MID1: variants seen among roughly 807,000 people sequenced by gnomAD.
MID1 encodes the protein E3 ubiquitin-protein ligase Midline-1.
Under a neutral mutation model 40.4 loss-of-function variants are expected in MID1, and 7 were observed. The observed-to-expected ratio is 0.17, with a 90% CI of 0.10 to 0.33. The LOEUF is 0.33. Among genes scored for constraint, MID1 ranks in the 10% least tolerant of loss-of-function variants. MID1 has a pLI of 1.00. For missense variants in MID1, 367 were observed against 558.5 expected (o/e 0.66, Z 3.46); for synonymous variants, 229 against 221.2 (o/e 1.04, Z -0.31).
intron 1 of MID1, among the ~76,000 whole-genome samples, chrX:10,829,187 CAG>C (rs1239478601): frequency 8.9e-6 from 1 of 112,112 alleles, no homozygotes; most frequent in Non-Finnish European, 1.9e-5. Context: ...ATTAGATACT[CAG>C]GGGGAGAAAT....
chrX:10,585,835 C>T (rs1308989198), intron 1 of MID1, among the ~76,000 whole-genome samples: 1 of 111,623 alleles, frequency 9.0e-6, no homozygotes, highest in Admixed American at 9.5e-5. Context: ...GCCATATAGC[C>T]TCTTTCTTAA....
rs890351746 is a variant in MID1, at chrX:10,448,868, T to A, written c.*500A>T. 1 of 114,767 alleles carries A rather than the reference T, an allele frequency of 8.7e-6. No individual in the cohort carries two copies. The highest frequency in any genetic ancestry group is 1.8e-5 in the Non-Finnish European group (1 of 54,844). The allele number at this position is 114,767 out of a possible 1,213,427, so 9.5% of individuals were successfully genotyped here. On this transcript the variant is annotated 3_prime_UTR_variant, in exon 10 of 10. Transcript: ENST00000317552. ...TAAAACACTTCAAATTAAACCAGAG[T>A]AAGAAAGCCTGTTTCCTCCCCTACT...
intron 1 of MID1, among the ~76,000 whole-genome samples, chrX:10,766,072 G>A (rs1273339919): frequency 2.7e-5 from 3 of 111,028 alleles, no homozygotes; most frequent in Non-Finnish European, 5.7e-5. Flanking sequence ...TCTGAGCAGG[G>A]AGAATACACT....
chrX:10,531,610 T>A, intron 2 of MID1, among the ~76,000 whole-genome samples: 1 of 112,588 alleles, frequency 8.9e-6, no homozygotes, highest in Non-Finnish European at 1.9e-5. Flanking sequence ...TATTTATAAA[T>A]TCCATCATTA....
At chrX:10,790,165 C>G (rs902176680) in intron 1 of MID1, among the ~76,000 whole-genome samples, 1 of 109,103 alleles carries the variant, frequency 9.2e-6, no homozygotes, top group African/African-American at 3.5e-5. Context: ...CTTTCCTGCT[C>G]TGCTTTCTTT....
chrX:10,661,355 C>T (rs1334399088), intron 1 of MID1, among the ~76,000 whole-genome samples: 1 of 108,099 alleles, frequency 9.3e-6, no homozygotes. Flanking sequence ...CTCTGCTGCC[C>T]AGGCTGGAGT....
Position 10,469,767 on chromosome X carries a change from G to A in MID1, c.1215C>T (p.Ser405=), listed in dbSNP as rs775126734. The A allele has an allele frequency of 3.3e-6, 4 of 1,208,867 alleles. No individual in the cohort carries two copies. The highest frequency in any genetic ancestry group is 4.4e-5 in the Admixed American group (2 of 45,727). The part of the protein sequence containing the change: ...SYDTITVHWT[S]DDEFSVVSYE... ...AGGAGACCACGCTGAACTCATCATC[G>A]GAGGTCCAATGCACAGTGATGGTGT... is the stretch of plus-strand genomic sequence containing the variant. The change falls in exon 7 of 10, where the codon TCC becomes TCT. Residue 405 remains serine (S), a synonymous_variant. Coordinates refer to ENST00000317552, the MANE Select transcript of MID1 (RefSeq NM_000381.4).
intron 7 of MID1, among the ~76,000 whole-genome samples, chrX:10,467,388 C>G (rs886617057): frequency 4.5e-5 from 5 of 112,073 alleles, no homozygotes; most frequent in Non-Finnish European, 9.4e-5. Flanking sequence ...CATTGCTATA[C>G]AGGCCTTCTG....
intron 1 of MID1, among the ~76,000 whole-genome samples, chrX:10,710,841 T>C (rs2043262408): frequency 8.9e-6 from 1 of 111,914 alleles, no homozygotes. Flanking sequence ...CATGCTGACT[T>C]TCAATCCCCC....
At chrX:10,479,084 CACTCATGG>C (rs1930173893) in intron 5 of MID1, among the ~76,000 whole-genome samples, 1 of 112,401 alleles carries the variant, frequency 8.9e-6, no homozygotes, top group Non-Finnish European at 1.9e-5. Context: ...ATCCAACTAA[CACTCATGG>C]AGTAGCTATA....
intron 4 of MID1, among the ~76,000 whole-genome samples, chrX:10,486,144 C>G (rs1930604491): frequency 8.9e-6 from 1 of 112,149 alleles, no homozygotes; most frequent in Non-Finnish European, 1.9e-5. Context: ...AGAGAATGTA[C>G]AATGGTCCAA....
intron 1 of MID1, among the ~76,000 whole-genome samples, chrX:10,649,181 C>G (rs1439070786): frequency 1.8e-5 from 2 of 111,988 alleles, no homozygotes; most frequent in African/African-American, 6.5e-5. Context: ...AAAGCAGCTA[C>G]TCCTAGCAGT....
chrX:10,643,491 C>A lies in MID1; in HGVS notation c.-186-23072G>T, dbSNP rs777103722. On this transcript the variant is annotated intron_variant, in intron 1 of 10. Coordinates refer to the MID1 transcript ENST00000380785. ...TACCATCTCACACCAGTTACAATGGCGATCATTAAAAAGTCAGGAAACAAC... is the reference window on the plus strand; with the variant it reads ...TACCATCTCACACCAGTTACAATGGAGATCATTAAAAAGTCAGGAAACAAC... 1.3e-4 allele frequency among the ~76,000 whole-genome samples: 15 copies of A among 111,752 alleles called. No individual in the cohort carries two copies. In the South Asian group the frequency reaches 4.2e-3, roughly 31 times the overall value.
intron 6 of MID1, among the ~76,000 whole-genome samples, chrX:10,472,376 C>T (rs1929760120): frequency 1.8e-5 from 2 of 112,495 alleles, no homozygotes; most frequent in South Asian, 7.4e-4. Context: ...GTGTATGTTA[C>T]AATTCAGTCT....
chrX:10,758,386 C>A (rs1270933525), intron 1 of MID1, among the ~76,000 whole-genome samples: 1 of 108,867 alleles, frequency 9.2e-6, no homozygotes, highest in South Asian at 3.9e-4. Context: ...TCATCTGAAT[C>A]TGTAGGCCAC....
Position 10,562,964 on chromosome X carries a change from G to A in MID1, c.660+3924C>T, listed in dbSNP as rs891918385. Among the ~76,000 whole-genome samples, 6 of 96,991 alleles carry A rather than the reference G, an allele frequency of 6.2e-5. 1 individual carries two copies. The highest frequency in any genetic ancestry group is 3.0e-4 in the African/African-American group (6 of 19,837). The allele number at this position is 96,991 out of a possible 115,157, so 84.2% of individuals were successfully genotyped here. ...ACCATAGCACTAGAACCTGCACTAT[G>A]CCTGCTACTGGTTTTCAAAGAAGAA... is the stretch of plus-strand genomic sequence containing the variant. On this transcript the variant is annotated intron_variant, in intron 2 of 9. Coordinates refer to ENST00000317552, the MANE Select transcript of MID1 (RefSeq NM_000381.4).
chrX:10,609,901 G>T (rs1935704987), intron 1 of MID1, among the ~76,000 whole-genome samples: 1 of 110,119 alleles, frequency 9.1e-6, no homozygotes. Context: ...TGTATTTTTA[G>T]TAGAGACGGG....
At chrX:10,731,382 C>T (rs747562701) in intron 1 of MID1, among the ~76,000 whole-genome samples, 13 of 111,686 alleles carry the variant, frequency 1.2e-4, no homozygotes, top group South Asian at 3.7e-4. Flanking sequence ...GTTAAATAAA[C>T]GAAGATAGAA....
intron 1 of MID1, among the ~76,000 whole-genome samples, chrX:10,658,428 T>TAAAAAAAA (rs35116185): frequency 5.4e-4 from 3 of 5,578 alleles, no homozygotes; most frequent in African/African-American, 1.0e-3. Flanking sequence ...CCTTCAACTG[T>TAAAAAAAA]AAAAAAAAAA....
Sources: gnomAD v4.1 joint callset for allele counts (sites outside exome capture counted in the v4.1 genomes callset) on GRCh38, gnomAD v4.1.1 for gene constraint, MANE v1.5 for transcripts, NCBI Gene and HGNC (gene_info 2026-07-23, HGNC 2026-07-21) for gene names.